The following MYO18B variants were observed in gnomAD, a reference collection of about 807,000 sequenced individuals.
MYO18B encodes myosin XVIIIB, also known as unconventional myosin-XVIIIb.
A neutral mutation model predicts 273.0 loss-of-function variants in MYO18B; 204 were observed. That is an observed-to-expected ratio of 0.75 (90% CI 0.67 to 0.84). The LOEUF is 0.84. Among genes scored for constraint, MYO18B ranks in the 40% least tolerant of loss-of-function variants. The probability of loss-of-function intolerance (pLI) is 0.00; values close to 1 mark genes in which losing one functional copy is unlikely to be tolerated. For synonymous variants in MYO18B, 1,330 were observed against 1,305.7 expected (o/e 1.02, Z -0.40); for missense variants, 3,212 against 3,287.6 (o/e 0.98, Z 0.56).
chr22:25,936,868 C>A (rs748335483), intron 34 of MYO18B, among the ~76,000 whole-genome samples: 1 of 152,008 alleles, frequency 6.6e-6, no homozygotes, highest in Non-Finnish European at 1.5e-5. Context: ...GGAGGCCCCA[C>A]CCTCATGACC....
At chr22:25,886,089 C>A (rs140986741) in intron 25 of MYO18B, among the ~76,000 whole-genome samples, 153 of 152,344 alleles carry the variant, frequency 1.0e-3, no homozygotes, top group African/African-American at 3.4e-3. Context: ...AGCGTTTGCA[C>A]CTTGGTGCCT....
chr22:25,826,881 G>A (rs916068192), intron 14 of MYO18B, among the ~76,000 whole-genome samples: 6 of 152,248 alleles, frequency 3.9e-5, no homozygotes, highest in African/African-American at 1.2e-4. Context: ...CCAACATGAC[G>A]AAAACCTGTC....
At position 25,914,565 on chromosome 22, in the gene MYO18B, C is replaced by T. The variant is rs144564595; in HGVS notation, c.5364+3515C>T. Among the ~76,000 whole-genome samples, 248 of 151,640 alleles carry T rather than the reference C, an allele frequency of 1.6e-3. 1 individual carries two copies. The highest frequency in any genetic ancestry group is 5.8e-3 in the African/African-American group (238 of 41,384). ...TATGGGAATACCATTGATTATCATG[C>T]ATTAATCTTGTATCTAGCAAACTTC... On this transcript the variant is annotated intron_variant, in intron 33 of 43. Transcript: ENST00000335473.
chr22:26,038,613 C>T, the MYO18B span, among the ~76,000 whole-genome samples: 17 of 152,250 alleles, frequency 1.1e-4, no homozygotes, highest in East Asian at 2.9e-3. Flanking sequence ...GCACTTTAAG[C>T]GCTGGGAAAC....
At chr22:25,755,349 G>C (rs1422931962) in intron 1 of MYO18B, among the ~76,000 whole-genome samples, 2 of 152,134 alleles carry the variant, frequency 1.3e-5, no homozygotes, top group Admixed American at 6.5e-5. Flanking sequence ...TGAGATTACA[G>C]GCATGCGCTG....
chr22:26,008,104 C>A (rs945481277), intron 42 of MYO18B, among the ~76,000 whole-genome samples: 1 of 152,092 alleles, frequency 6.6e-6, no homozygotes, highest in African/African-American at 2.4e-5. Context: ...AGCAATACAC[C>A]TTGGAGATCT....
intron 42 of MYO18B, among the ~76,000 whole-genome samples, chr22:26,013,675 C>G (rs780057839): frequency 6.6e-6 from 1 of 152,258 alleles, no homozygotes; most frequent in South Asian, 2.1e-4. Flanking sequence ...TCCTTGCCAA[C>G]GCCTGGTTTT....
chr22:25,781,480 G>A (rs1425312671), intron 9 of MYO18B, among the ~76,000 whole-genome samples: 1 of 152,070 alleles, frequency 6.6e-6, no homozygotes, highest in Non-Finnish European at 1.5e-5. Context: ...CGTGGTGGTG[G>A]GCGCCTGTGG....
chr22:26,027,194 A>G lies in MYO18B; in HGVS notation c.7220A>G (p.Gln2407Arg). 1.2e-6 allele frequency: 2 copies of G among 1,613,936 alleles called. No individual in the cohort carries two copies. Among genetic ancestry groups the G allele is most frequent in the Non-Finnish European group, 1.7e-6 (2 of 1,179,870 alleles). Reference protein sequence around the residue: ...PDLGKEPLVFQNRQFAHLMEE... With the variant: ...PDLGKEPLVFRNRQFAHLMEE... ...CTTGGAAAGGAGCCGCTTGTTTTCCAGAACCGCCAGTTTGCCCACCTGATG... is the reference window on the plus strand; with the variant it reads ...CTTGGAAAGGAGCCGCTTGTTTTCCGGAACCGCCAGTTTGCCCACCTGATG... The change falls in exon 43 of 44, where the codon CAG (glutamine) becomes CGG (arginine). Residue 2407 changes from glutamine to arginine, a missense_variant. Coordinates refer to ENST00000335473, the MANE Select transcript of MYO18B (RefSeq NM_032608.7). The surrounding 1 kb of genome is among the most constrained non-coding windows in gnomAD (Gnocchi z 4.1).
Position 25,876,229 on chromosome 22 carries a change from C to G in MYO18B, c.4121C>G (p.Ala1374Gly). Reference sequence around the variant, plus strand: ...GCACAGTGCATCCAGAAGAATGTGGCTGTGTTCCTCGCAGTCAAGGACTGG... The same window carrying G: ...GCACAGTGCATCCAGAAGAATGTGGGTGTGTTCCTCGCAGTCAAGGACTGG... ...LAAQCIQKNV[A>G]VFLAVKDWPW... The change falls in exon 24 of 44, where the codon GCT becomes GGT. Residue 1374 changes from alanine (A) to glycine (G), a missense_variant. Physicochemically the swap from Ala to Gly is moderately conservative, Grantham distance 60 (BLOSUM62 0). Coordinates refer to ENST00000335473, the MANE Select transcript of MYO18B (RefSeq NM_032608.7). 6.2e-7 allele frequency: 1 copy of G among 1,613,396 alleles called. No homozygotes were observed. Among genetic ancestry groups the G allele is most frequent in the Non-Finnish European group, 8.5e-7 (1 of 1,179,656 alleles).
rs944828788 is a variant in MYO18B at position 25,992,449 on chromosome 22, G to C, written c.6243G>C (p.Gln2081His). 1.9e-6 allele frequency: 3 copies of C among 1,614,012 alleles called. No homozygotes were observed. Among genetic ancestry groups the C allele is most frequent in the Non-Finnish European group, 2.5e-6 (3 of 1,179,906 alleles). The change falls in exon 40 of 44, where the codon CAG becomes CAC. Residue 2081 changes from glutamine (Q) to histidine (H), a missense_variant. Transcript: ENST00000335473. ...ETSIRRIADL[Q>H]AALEEVASSD... ...CCATTCGGCGGATTGCCGACCTGCA[G>C]GCTGCCTTGGAAGAAGTGGCATCCA...
chr22:25,797,394 G>A (rs890802490), intron 11 of MYO18B, among the ~76,000 whole-genome samples: 1 of 152,206 alleles, frequency 6.6e-6, no homozygotes, highest in African/African-American at 2.4e-5. Context: ...TCTGCTCTAT[G>A]CTATTCCCTT....
chr22:25,953,139 G>A (rs2092811650), intron 38 of MYO18B, among the ~76,000 whole-genome samples: 1 of 152,162 alleles, frequency 6.6e-6, no homozygotes, highest in Non-Finnish European at 1.5e-5. Context: ...CATTCACATT[G>A]CCCTTGAGCT....
intron 34 of MYO18B, among the ~76,000 whole-genome samples, chr22:25,935,731 G>A (rs2092568749): frequency 1.3e-5 from 2 of 152,172 alleles, no homozygotes; most frequent in Admixed American, 1.3e-4. Context: ...TGGTGAATAA[G>A]GCTGTGGTCA....
intron 17 of MYO18B, among the ~76,000 whole-genome samples, chr22:25,840,036 T>C (rs1263807560): frequency 1.3e-5 from 2 of 152,176 alleles, no homozygotes; most frequent in Non-Finnish European, 2.9e-5. Context: ...GCTGTCCCCC[T>C]GGCAGCCTCG....
chr22:26,014,525 A>G (rs1342793959), intron 42 of MYO18B, among the ~76,000 whole-genome samples: 1 of 152,136 alleles, frequency 6.6e-6, no homozygotes, highest in African/African-American at 2.4e-5. Flanking sequence ...GGCTGCTTTG[A>G]TGGCTTCCCA....
At chr22:25,965,440 G>A (rs915558223) in intron 39 of MYO18B, among the ~76,000 whole-genome samples, 5 of 152,148 alleles carry the variant, frequency 3.3e-5, no homozygotes, top group African/African-American at 4.8e-5. Context: ...AAAAAAGATC[G>A]GGGCGGTGAT....
At chr22:26,029,613 T>G (rs1221554957) in intron 43 of MYO18B, among the ~76,000 whole-genome samples, 4 of 152,134 alleles carry the variant, frequency 2.6e-5, no homozygotes, top group African/African-American at 9.7e-5. Flanking sequence ...AAGTCCTCCT[T>G]CCCTACCCTG....
chr22:25,893,150 AATC>A (rs1264805634), intron 27 of MYO18B, among the ~76,000 whole-genome samples: 2 of 152,276 alleles, frequency 1.3e-5, no homozygotes, highest in African/African-American at 4.8e-5. Context: ...AAAACATTTT[AATC>A]ATATCATCGC....
Sources: allele counts gnomAD v4.1 joint callset (sites outside exome capture counted in the v4.1 genomes callset), GRCh38; gene constraint gnomAD v4.1.1; non-coding constraint Gnocchi (gnomAD v3.1); transcripts MANE v1.5; gene names NCBI Gene and HGNC (gene_info 2026-07-23, HGNC 2026-07-21).